Variants in ARID3A observed in about 807,000 individuals in gnomAD.
ARID3A encodes AT-rich interactive domain-containing protein 3A.
In ARID3A, 11 loss-of-function variants were observed where a neutral mutation model predicts 52.7. The observed-to-expected ratio is 0.21, with a 90% CI of 0.13 to 0.35. The LOEUF (loss-of-function observed/expected upper bound fraction) is 0.35, where lower values mean the gene tolerates loss of function less well. Among genes scored for constraint, ARID3A ranks in the 10% least tolerant of loss-of-function variants. The pLI is 1.00. For missense variants in ARID3A, 721 were observed against 838.5 expected (o/e 0.86, Z 1.73); for synonymous variants, 404 against 359.4 (o/e 1.12, Z -1.40).
chr19:939,472 A>C (rs1363734741), intron 3 of ARID3A, among the ~76,000 whole-genome samples: 2 of 152,060 alleles, frequency 1.3e-5, no homozygotes, highest in Non-Finnish European at 2.9e-5. Flanking sequence ...TGCAGAGAGG[A>C]AGAAAATGGA....
chr19:966,604 G>A lies in ARID3A; in HGVS notation c.1231G>A (p.Gly411Ser), dbSNP rs1450497130. 6.3e-7 allele frequency: 1 copy of A among 1,580,734 alleles called. No homozygotes were observed. The highest frequency in any genetic ancestry group is 1.8e-5 in the Admixed American group (1 of 56,918). The change falls in exon 7 of 9, where the codon GGC becomes AGC. Residue 411 changes from glycine to serine, a missense_variant. Gly to Ser is a moderately conservative substitution (Grantham distance 56, BLOSUM62 0). Transcript: ENST00000263620. Reference protein sequence around the residue: ...EDSAIPITVPGRLPVSLAGHP... With the variant: ...EDSAIPITVPSRLPVSLAGHP... Reference sequence around the variant, plus strand: ...CTCAGCCATCCCCATCACAGTCCCTGGCCGCCTGCCTGTGTCCCTGGCGGG... The same window carrying A: ...CTCAGCCATCCCCATCACAGTCCCTAGCCGCCTGCCTGTGTCCCTGGCGGG...
Position 968,233 on chromosome 19 carries a change from G to A in ARID3A, c.1496-172G>A, listed in dbSNP as rs546790526. ...AAATTAGCCAGGCGTGGTGGCGGGCGCCTGTAGTCCCAGCTACTGGGAGGC... is the reference window on the plus strand; with the variant it reads ...AAATTAGCCAGGCGTGGTGGCGGGCACCTGTAGTCCCAGCTACTGGGAGGC... On this transcript the variant is annotated intron_variant, in intron 7 of 8. Transcript: ENST00000263620. 2.3e-3 allele frequency among the ~76,000 whole-genome samples: 338 copies of A among 150,034 alleles called. 1 individual carries two copies. Among genetic ancestry groups the A allele is most frequent in the Middle Eastern group, 0.011 (3 of 282 alleles).
chr19:971,778 GAGA>G (rs947576550), intron 8 of ARID3A, 97 bp from the exon 9 acceptor site: 9 of 1,416,822 alleles, frequency 6.4e-6, no homozygotes, highest in East Asian at 5.3e-5. Context: ...CAGAGTGAGA[GAGA>G]AGTTTATTCC....
intron 4 of ARID3A, among the ~76,000 whole-genome samples, chr19:962,513 C>CATTT (rs2038062804): frequency 8.7e-6 from 1 of 115,276 alleles, no homozygotes. Context: ...GCTGCTGATC[C>CATTT]TTTTTTTTTT....
chr19:955,812 G>A (rs2037904723), intron 3 of ARID3A, among the ~76,000 whole-genome samples: 1 of 152,182 alleles, frequency 6.6e-6, no homozygotes, highest in Non-Finnish European at 1.5e-5. Flanking sequence ...TGGCCTCTAC[G>A]TGCGGTTCTT....
Position 959,985 on chromosome 19 carries a change from G to A in ARID3A, c.694-107G>A. ...CAGCGGCTTGAGGGTCCTAGGGGTG[G>A]TGACCCCTGCTCCTGTCCTCCTGAC... On this transcript the variant is annotated intron_variant, in intron 3 of 8. Coordinates refer to ENST00000263620, the MANE Select transcript of ARID3A (RefSeq NM_005224.3). This position sits in a 1 kb window ranked among gnomAD's most constrained non-coding sequence, Gnocchi z 5.0. 1.1e-6 allele frequency: 1 copy of A among 917,514 alleles called. No individual in the cohort carries two copies. The highest frequency in any genetic ancestry group is 1.6e-6 in the Non-Finnish European group (1 of 615,540). 56.8% of individuals were successfully genotyped at this position (917,514 alleles called of 1,614,324 possible). A position where few individuals can be genotyped will look rare whatever the true frequency, so the allele number is the denominator to read the frequency against.
At position 960,018 on chromosome 19, in the gene ARID3A, C is replaced by T; in HGVS notation, c.694-74C>T. On this transcript the variant is annotated intron_variant, in intron 3 of 8. Transcript: ENST00000263620. The surrounding 1 kb of genome is among the most constrained non-coding windows in gnomAD (Gnocchi z 4.3). ...TGCTCCTGTCCTCCTGACCTGGCCT[C>T]CAGTGCAGGAGGGACATGGTTCCCA... 1 of 1,371,528 alleles carries T rather than the reference C, an allele frequency of 7.3e-7. No individual in the cohort carries two copies. Among genetic ancestry groups the T allele is most frequent in the Non-Finnish European group, 1.0e-6 (1 of 980,812 alleles). The allele number at this position is 1,371,528 out of a possible 1,614,324, so 85.0% of individuals were successfully genotyped here. A position where few individuals can be genotyped will look rare whatever the true frequency, so the allele number is the denominator to read the frequency against.
rs2038115174 is a variant in ARID3A, at chr19:964,929, C to T, written c.1047C>T (p.Gly349=). 3.7e-6 allele frequency: 6 copies of T among 1,613,846 alleles called. No individual in the cohort carries two copies. The highest frequency in any genetic ancestry group is 5.1e-6 in the Non-Finnish European group (6 of 1,180,022). ...CCATAGACAGCAACCGACGGGAGGG[C>T]CGGCGCCAGAGCTTTGGTGGCTCCC... The part of the protein sequence containing the change: ...QAAIDSNRRE[G]RRQSFGGSLF... Residue 349 remains glycine (G), a synonymous_variant, in exon 6 of 9, where the codon GGC becomes GGT. Transcript: ENST00000263620. The surrounding 1 kb of genome is among the most constrained non-coding windows in gnomAD (Gnocchi z 5.7).
upstream of ARID3A, chr19:925,788 G>A (rs929798417): frequency 2.6e-5 from 4 of 152,098 alleles, no homozygotes; most frequent in African/African-American, 9.7e-5. Flanking sequence ...CACTCTGCCC[G>A]GCTCCCCAGC....
chr19:954,323 C>T (rs994592718), intron 3 of ARID3A, among the ~76,000 whole-genome samples: 16 of 152,176 alleles, frequency 1.1e-4, no homozygotes, highest in Non-Finnish European at 2.1e-4. Context: ...AGACGATGGG[C>T]CCAGCCTTGG....
At position 964,484 on chromosome 19, in the gene ARID3A, G is replaced by C. The variant is rs1261646340; in HGVS notation, c.950+53G>C. The C allele has an allele frequency of 1.3e-6, 2 of 1,516,108 alleles. No individual in the cohort carries two copies. The highest frequency in any genetic ancestry group is 1.8e-6 in the Non-Finnish European group (2 of 1,127,540). 93.9% of individuals were successfully genotyped at this position (1,516,108 alleles called of 1,614,324 possible). A position where few individuals can be genotyped will look rare whatever the true frequency, so the allele number is the denominator to read the frequency against. ...CGGGCCAGGGCACTCTGAGCAGCCA[G>C]TGCAAGGGGCCTGCAGAAGAGGGAG... On this transcript the variant is annotated intron_variant, in intron 5 of 8. Coordinates refer to ENST00000263620, the MANE Select transcript of ARID3A (RefSeq NM_005224.3). This position sits in a 1 kb window ranked among gnomAD's most constrained non-coding sequence, Gnocchi z 5.7.
In ARID3A at chr19:964,532, G is replaced by A. The variant is rs2038106901; in HGVS notation, c.950+101G>A. 1.4e-6 allele frequency: 2 copies of A among 1,431,748 alleles called. No individual in the cohort carries two copies. Among genetic ancestry groups the A allele is most frequent in the South Asian group, 1.4e-5 (1 of 72,646 alleles). 88.7% of individuals were successfully genotyped at this position (1,431,748 alleles called of 1,614,324 possible). A position where few individuals can be genotyped will look rare whatever the true frequency, so the allele number is the denominator to read the frequency against. On this transcript the variant is annotated intron_variant, in intron 5 of 8. Transcript: ENST00000263620. The surrounding 1 kb of genome is among the most constrained non-coding windows in gnomAD (Gnocchi z 5.7). ...GAGGGGGTGGTGGGCAGCTGCAGAG[G>A]AGGGGGCAGTGGGCAGCCGCAAAGG...
At chr19:949,214 T>A (rs1470649996) in intron 3 of ARID3A, among the ~76,000 whole-genome samples, 1 of 152,120 alleles carries the variant, frequency 6.6e-6, no homozygotes. Context: ...GGGGAGGCAG[T>A]GCTGGGTCCC....
chr19:951,706 C>T (rs1319977512), intron 3 of ARID3A, among the ~76,000 whole-genome samples: 7 of 152,172 alleles, frequency 4.6e-5, no homozygotes, highest in African/African-American at 7.2e-5. Context: ...GGCTGCTGCC[C>T]GGAGGGGGCG....
At chr19:968,575 G>T in intron 8 of ARID3A, 72 bp downstream of exon 8, 1 of 1,437,254 alleles carries the variant, frequency 7.0e-7, no homozygotes, top group Non-Finnish European at 9.7e-7. Flanking sequence ...ACCCTGAGTT[G>T]CGCCTGGTCC....
chr19:929,885 C>T lies in ARID3A; in HGVS notation c.357C>T (p.Ser119=), dbSNP rs769223117. 185 of 1,541,368 alleles carry T rather than the reference C, an allele frequency of 1.2e-4. No individual in the cohort carries two copies. Among genetic ancestry groups the T allele is most frequent in the Middle Eastern group, 1.7e-4 (1 of 6,008 alleles). ...PGEEHFEDMA[S]DEDMKPKWEE... ...AGGAGCACTTTGAGGACATGGCCTC[C>T]GACGAGGACATGTGAGTTGGGGTCT... Residue 119 remains serine (S), a synonymous_variant, in exon 2 of 9, where the codon TCC becomes TCT. Transcript: ENST00000263620. This position sits in a 1 kb window ranked among gnomAD's most constrained non-coding sequence, Gnocchi z 6.2.
rs533873397 is a variant in ARID3A, at chr19:974,642, C to T, written c.*2577C>T. ...GGGCCTGGCTGCCTGCTGCATCTGG[C>T]GGCCCTGGACCCCTGGGGCCCCCGT... On this transcript the variant is annotated 3_prime_UTR_variant, in exon 9 of 9. Transcript: ENST00000263620. The T allele has an allele frequency of 7.4e-5, 17 of 229,994 alleles. No homozygotes were observed. Among genetic ancestry groups the T allele is most frequent in the South Asian group, 1.8e-4 (1 of 5,516 alleles). 14.2% of individuals were successfully genotyped at this position (229,994 alleles called of 1,614,324 possible).
rs987873506 is a variant in ARID3A at position 975,400 on chromosome 19, G to A, written c.*3335G>A. On this transcript the variant is annotated 3_prime_UTR_variant, in exon 9 of 9. Transcript: ENST00000263620. ...AGCTGGGGTCGTTGTTAAGGGTCAC[G>A]CATCTGTACAGTTGAATTTCCTTTC... The A allele has an allele frequency of 2.6e-5, 6 of 231,572 alleles. No homozygotes were observed. The highest frequency in any genetic ancestry group is 5.1e-5 in the Non-Finnish European group (6 of 117,052). The allele number at this position is 231,572 out of a possible 1,614,324, so 14.3% of individuals were successfully genotyped here.
chr19:930,698 AC>A (rs1223476236), intron 2 of ARID3A, among the ~76,000 whole-genome samples: 2 of 150,214 alleles, frequency 1.3e-5, no homozygotes, highest in South Asian at 4.2e-4. Context: ...TTTAGTAGAG[AC>A]GGGGTTTCAC....
Sources: allele counts gnomAD v4.1 joint callset (sites outside exome capture counted in the v4.1 genomes callset), GRCh38; gene constraint gnomAD v4.1.1; non-coding constraint Gnocchi (gnomAD v3.1); transcripts MANE v1.5; gene names NCBI Gene and HGNC (gene_info 2026-07-23, HGNC 2026-07-21).